CACNA2D3: variants seen among roughly 807,000 people sequenced by gnomAD.
CACNA2D3 encodes the protein voltage-dependent calcium channel subunit alpha-2/delta-3.
CACNA2D3 carries 60 observed loss-of-function variants against 160.6 expected under a neutral mutation model. The ratio of observed to expected loss-of-function variants is 0.37; its 90% confidence interval spans 0.30 to 0.46. The LOEUF (loss-of-function observed/expected upper bound fraction) is 0.46, where lower values mean the gene tolerates loss of function less well. CACNA2D3 is among the 20% of genes least tolerant of loss of function. The probability of loss-of-function intolerance (pLI) is 1.00; values close to 1 mark genes in which losing one functional copy is unlikely to be tolerated. For synonymous variants in CACNA2D3, 558 were observed against 492.9 expected, an observed-to-expected ratio of 1.13 and a Z score of -1.75; for missense variants, 1,205 against 1,365.0, an observed-to-expected ratio of 0.88 and a Z score of 1.85.
At position 54,885,261 on chromosome 3, in the gene CACNA2D3, C is replaced by T. The variant is rs564836618; in HGVS notation, c.1913-20C>T. ...GGGGGAGTGATACTTATTCATGAAC[C>T]CCTTCTCCTTGACCCCCAGGCCTGC... On this transcript the variant is annotated intron_variant, in intron 21 of 37. Coordinates refer to ENST00000474759, the MANE Select transcript of CACNA2D3 (RefSeq NM_018398.3). 5.0e-6 allele frequency: 8 copies of T among 1,613,412 alleles called. No individual in the cohort carries two copies. The highest frequency in any genetic ancestry group is 5.9e-6 in the Non-Finnish European group (7 of 1,179,468).
At chr3:54,554,868 C>CTCTTTTTTT (rs1702217379) in intron 5 of CACNA2D3, among the ~76,000 whole-genome samples, 1 of 88,172 alleles carries the variant, frequency 1.1e-5, no homozygotes, top group African/African-American at 5.0e-5. Context: ...CTCTCTCACT[C>CTCTTTTTTT]TCTTTTTTTT....
chr3:54,879,403 T>G lies in CACNA2D3; in HGVS notation c.1836T>G (p.Thr612=), dbSNP rs368001643. The G allele has an allele frequency of 3.4e-5, 55 of 1,608,722 alleles. No individual in the cohort carries two copies. Among genetic ancestry groups the G allele is most frequent in the Non-Finnish European group, 4.2e-5 (49 of 1,176,422 alleles). The change falls in exon 20 of 38, where the codon ACT becomes ACG. Residue 612 remains threonine, a synonymous_variant. Transcript: ENST00000474759. Reference sequence around the variant, plus strand: ...ACTATTATACAGACATCAAGGGTACTCCTTTCAGGTAGAGCTGACCATAAT... The same window carrying G: ...ACTATTATACAGACATCAAGGGTACGCCTTTCAGGTAGAGCTGACCATAAT... The part of the protein sequence containing the change: ...NDYYYTDIKG[T]PFSLGVALSR...
intron 2 of CACNA2D3, 108 bp downstream of exon 2, chr3:54,123,702 G>GA: frequency 2.2e-6 from 2 of 889,168 alleles, no homozygotes; most frequent in Non-Finnish European, 1.9e-6. Flanking sequence ...AGTTATCGGA[G>GA]GACTCTCTGA....
At chr3:54,720,308 A>G (rs1387375240) in intron 11 of CACNA2D3, among the ~76,000 whole-genome samples, 1 of 151,956 alleles carries the variant, frequency 6.6e-6, no homozygotes, top group Non-Finnish European at 1.5e-5. Context: ...TTTAGATATC[A>G]TATTTTCATT....
At chr3:54,389,588 G>A (rs1042525120) in intron 4 of CACNA2D3, among the ~76,000 whole-genome samples, 17 of 152,162 alleles carry the variant, frequency 1.1e-4, no homozygotes, top group African/African-American at 4.1e-4. Flanking sequence ...ATGAGACAAA[G>A]TGACATCAAG....
chr3:54,152,627 G>A (rs956922875), intron 2 of CACNA2D3, among the ~76,000 whole-genome samples: 1 of 152,180 alleles, frequency 6.6e-6, no homozygotes, highest in African/African-American at 2.4e-5. Flanking sequence ...AGAGGGAGAG[G>A]CAAAGGCAAA....
intron 9 of CACNA2D3, among the ~76,000 whole-genome samples, chr3:54,590,649 G>A (rs987047743): frequency 6.6e-6 from 1 of 151,736 alleles, no homozygotes; most frequent in African/African-American, 2.4e-5. Context: ...GTCTTGCTGT[G>A]TTGCCCAGGT....
chr3:54,249,558 TACACACACACAC>T (rs149515122), intron 2 of CACNA2D3, among the ~76,000 whole-genome samples: 1 of 123,806 alleles, frequency 8.1e-6, no homozygotes, highest in African/African-American at 3.5e-5. Context: ...TCTGTTTACG[TACACACACACAC>T]ACACACACAC....
chr3:55,071,753 A>AT (rs1203383895), intron 35 of CACNA2D3, among the ~76,000 whole-genome samples: 3 of 152,110 alleles, frequency 2.0e-5, no homozygotes, highest in Non-Finnish European at 2.9e-5. Context: ...TGCAAGAAAT[A>AT]TTTTCTCCTT....
intron 4 of CACNA2D3, among the ~76,000 whole-genome samples, chr3:54,423,174 A>G (rs953464000): frequency 2.0e-5 from 3 of 152,196 alleles, no homozygotes; most frequent in African/African-American, 7.2e-5. Context: ...TGTTGATGAC[A>G]TCTGGGAAGG....
At position 54,821,965 on chromosome 3, in the gene CACNA2D3, G is replaced by T. The variant is rs141575846; in HGVS notation, c.1398+5095G>T. On this transcript the variant is annotated intron_variant, in intron 14 of 37. Transcript: ENST00000474759. ...TAGAACTGCAGGTCTAGTGATTTCA[G>T]TGTTTCATTACAGTTATATAACCAT... Among the ~76,000 whole-genome samples the T allele has an allele frequency of 2.1e-3, 320 of 152,208 alleles. 2 individuals carry two copies. Among genetic ancestry groups the T allele is most frequent in the African/African-American group, 7.2e-3 (300 of 41,538 alleles).
intron 11 of CACNA2D3, among the ~76,000 whole-genome samples, chr3:54,667,615 G>A: frequency 6.6e-6 from 1 of 152,120 alleles, no homozygotes; most frequent in East Asian, 1.9e-4. Flanking sequence ...TAGTTTGTTG[G>A]AAAATGGTGA....
chr3:54,497,286 A>AT (rs59451898), intron 4 of CACNA2D3, among the ~76,000 whole-genome samples: 148,470 of 152,100 alleles, frequency 0.98, 72,546 homozygotes, highest in East Asian at 1. Context: ...TCAAACAAAT[A>AT]TTTGTGGTTT....
intron 13 of CACNA2D3, among the ~76,000 whole-genome samples, chr3:54,810,151 A>G (rs1289522907): frequency 6.6e-6 from 1 of 152,184 alleles, no homozygotes; most frequent in East Asian, 1.9e-4. Flanking sequence ...AACCAACCAG[A>G]GGAAAGAGCC....
intron 24 of CACNA2D3, among the ~76,000 whole-genome samples, chr3:54,890,661 G>T (rs1700043357): frequency 6.6e-6 from 1 of 152,194 alleles, no homozygotes; most frequent in South Asian, 2.1e-4. Context: ...GATATTTAGT[G>T]AATTTTTACA....
chr3:54,477,087 T>C lies in CACNA2D3; in HGVS notation c.382-26405T>C, dbSNP rs561094056. On this transcript the variant is annotated intron_variant, in intron 4 of 37. Coordinates refer to ENST00000474759, the MANE Select transcript of CACNA2D3 (RefSeq NM_018398.3). The stretch of plus-strand genomic sequence containing the variant: ...AAGGCATGACTCATACTAGTCACTG[T>C]GGAGATATTTGTTGACCAGTAAATA... Among the ~76,000 whole-genome samples, 6 of 152,270 alleles carry C rather than the reference T, an allele frequency of 3.9e-5. No individual in the cohort carries two copies. The South Asian group carries it at 1.2e-3, about 32-fold the overall frequency.
chr3:54,694,095 T>A (rs1700617292), intron 11 of CACNA2D3, among the ~76,000 whole-genome samples: 1 of 152,212 alleles, frequency 6.6e-6, no homozygotes, highest in Non-Finnish European at 1.5e-5. Context: ...TAGGGCAACT[T>A]CCAGTCCTGC....
intron 13 of CACNA2D3, among the ~76,000 whole-genome samples, chr3:54,807,511 T>C (rs1559589331): frequency 6.6e-6 from 1 of 151,982 alleles, no homozygotes; most frequent in Non-Finnish European, 1.5e-5. Context: ...TGAGATACCA[T>C]CTCACACCAG....
At chr3:54,605,927 A>G (rs1698599124) in intron 9 of CACNA2D3, among the ~76,000 whole-genome samples, 1 of 152,228 alleles carries the variant, frequency 6.6e-6, no homozygotes, top group Non-Finnish European at 1.5e-5. Flanking sequence ...TTCTTCTGTA[A>G]TGCCTTCAGA....
Sources: allele counts gnomAD v4.1 joint callset (sites outside exome capture counted in the v4.1 genomes callset), GRCh38; gene constraint gnomAD v4.1.1; transcripts MANE v1.5; gene names NCBI Gene and HGNC (gene_info 2026-07-23, HGNC 2026-07-21).